CDK5RAP2: variants seen among roughly 807,000 people sequenced by gnomAD.
CDK5RAP2 encodes CDK5 regulatory subunit associated protein 2.
A neutral mutation model predicts 232.9 loss-of-function variants in CDK5RAP2; 147 were observed. That is an observed-to-expected ratio of 0.63 (90% CI 0.55 to 0.72). The LOEUF (loss-of-function observed/expected upper bound fraction) is 0.72. Ranked by LOEUF, CDK5RAP2 falls within the 30% of genes least tolerant of loss-of-function variation. The probability of loss-of-function intolerance (pLI) is 0.00; values close to 1 mark genes in which losing one functional copy is unlikely to be tolerated. For missense variants in CDK5RAP2, 2,195 were observed against 2,231.5 expected (o/e 0.98, Z 0.33); for synonymous variants, 833 against 833.7 (o/e 1.00, Z 0.01).
intron 22 of CDK5RAP2, among the ~76,000 whole-genome samples, chr9:120,446,422 C>T (rs995232754): frequency 1.3e-5 from 2 of 152,268 alleles, no homozygotes; most frequent in Non-Finnish European, 1.5e-5. Context: ...GATGGGGTTT[C>T]GCCACGTTGG....
At chr9:120,507,088 T>G (rs1281265289) in intron 12 of CDK5RAP2, among the ~76,000 whole-genome samples, 1 of 152,182 alleles carries the variant, frequency 6.6e-6, no homozygotes, top group Non-Finnish European at 1.5e-5. Context: ...CCATTAACAT[T>G]GAGGCAAGAC....
At chr9:120,389,709 T>C (rs2031743215) in intron 37 of CDK5RAP2, 32 bp downstream of exon 37, 1 of 1,609,054 alleles carries the variant, frequency 6.2e-7, no homozygotes, top group Non-Finnish European at 8.5e-7. Context: ...GACCTTCCAC[T>C]GGCCTGCAGT....
chr9:120,542,722 A>G (rs796897996), intron 5 of CDK5RAP2, among the ~76,000 whole-genome samples: 50 of 152,286 alleles, frequency 3.3e-4, no homozygotes, highest in African/African-American at 1.2e-3. Flanking sequence ...CCTGGCCTAT[A>G]GTCTCTCCTC....
intron 28 of CDK5RAP2, among the ~76,000 whole-genome samples, chr9:120,412,273 G>T (rs2033896824): frequency 6.6e-6 from 1 of 152,218 alleles, no homozygotes; most frequent in African/African-American, 2.4e-5. Context: ...AGTGCCTACT[G>T]TGTGCAAGGT....
At chr9:120,400,941 G>A in intron 34 of CDK5RAP2, 56 bp from the exon 35 acceptor site, 1 of 1,601,344 alleles carries the variant, frequency 6.2e-7, no homozygotes, top group Non-Finnish European at 8.5e-7. Flanking sequence ...TTTTAGACAA[G>A]CAAGCCTTAA....
At position 120,389,089 on chromosome 9, in the gene CDK5RAP2, T is replaced by C; in HGVS notation, c.*147A>G. The C allele has an allele frequency of 1.3e-6, 1 of 767,728 alleles. No homozygotes were observed. The highest frequency in any genetic ancestry group is 2.2e-6 in the Non-Finnish European group (1 of 461,042). The allele number at this position is 767,728 out of a possible 1,614,324, so 47.6% of individuals were successfully genotyped here. On this transcript the variant is annotated 3_prime_UTR_variant, in exon 38 of 38. Transcript: ENST00000349780. The stretch of plus-strand genomic sequence containing the variant: ...TTCTGACAACAACTCTCAAGCCAAC[T>C]TTCAGAGAGAAAACATGAAGGGAAA...
intron 7 of CDK5RAP2, among the ~76,000 whole-genome samples, chr9:120,535,718 G>A (rs372186616): frequency 1.3e-5 from 2 of 152,224 alleles, no homozygotes; most frequent in Non-Finnish European, 1.5e-5. Context: ...TGCAAAATAT[G>A]ATGGGCACTA....
intron 1 of CDK5RAP2, among the ~76,000 whole-genome samples, chr9:120,579,638 C>G (rs992657046): frequency 6.6e-6 from 1 of 152,188 alleles, no homozygotes; most frequent in African/African-American, 2.4e-5. Context: ...CCAAGTGGCC[C>G]CACCCTCGTC....
intron 20 of CDK5RAP2, among the ~76,000 whole-genome samples, chr9:120,455,889 A>G (rs1270645117): frequency 6.6e-6 from 1 of 152,210 alleles, no homozygotes; most frequent in Non-Finnish European, 1.5e-5. Flanking sequence ...TGTAAGGTAC[A>G]CTATAGGGCT....
At position 120,460,569 on chromosome 9, in the gene CDK5RAP2, T is replaced by C. The variant is rs1186474393; in HGVS notation, c.2202+3A>G. ...AATAAGGAGTTAACTGAAAGGTTCCTACCTCATTACTCTGCTGCAAATGCT... is the reference window on the plus strand; with the variant it reads ...AATAAGGAGTTAACTGAAAGGTTCCCACCTCATTACTCTGCTGCAAATGCT... On this transcript the variant is annotated splice_donor_region_variant and intron_variant, in intron 19 of 37. Coordinates refer to ENST00000349780, the MANE Select transcript of CDK5RAP2 (RefSeq NM_018249.6). 1 of 1,613,772 alleles carries C rather than the reference T, an allele frequency of 6.2e-7. No homozygotes were observed.
chr9:120,545,020 T>G (rs2041783457), intron 5 of CDK5RAP2, among the ~76,000 whole-genome samples: 1 of 152,230 alleles, frequency 6.6e-6, no homozygotes, highest in Non-Finnish European at 1.5e-5. Context: ...ACTGTGCTTG[T>G]TGTTCAATAT....
In CDK5RAP2 at chr9:120,525,084, G is replaced by GA. The variant is rs745448267; in HGVS notation, c.1000-7dup. 1 of 1,608,346 alleles carries GA rather than the reference G, an allele frequency of 6.2e-7. No individual in the cohort carries two copies. Among genetic ancestry groups the GA allele is most frequent in the Admixed American group, 1.7e-5 (1 of 59,988 alleles). ...TCAGAGTTAAGTTCTTCAACCTGGG[G>GA]AAAAATAATGAATACCAGCCAAGTA... On this transcript the variant is annotated splice_region_variant and splice_polypyrimidine_tract_variant and intron_variant, in intron 10 of 37. Transcript: ENST00000349780.
chr9:120,402,726 T>C, intron 34 of CDK5RAP2, 80 bp downstream of exon 34: 2 of 1,529,114 alleles, frequency 1.3e-6, no homozygotes, highest in Admixed American at 3.4e-5. Context: ...TGAGGACAAC[T>C]GCGCCATTTG....
chr9:120,478,032 T>C (rs748209275), intron 14 of CDK5RAP2, among the ~76,000 whole-genome samples: 6 of 152,234 alleles, frequency 3.9e-5, no homozygotes, highest in Non-Finnish European at 7.3e-5. Flanking sequence ...TCCTCATTTA[T>C]GAAATGTGGA....
chr9:120,557,014 T>C (rs1315582788), intron 3 of CDK5RAP2, among the ~76,000 whole-genome samples: 1 of 152,188 alleles, frequency 6.6e-6, no homozygotes, highest in African/African-American at 2.4e-5. Flanking sequence ...TTTATGTAGG[T>C]TGCTTAGAAT....
At chr9:120,410,715 G>A (rs1479736226) in intron 29 of CDK5RAP2, among the ~76,000 whole-genome samples, 1 of 152,186 alleles carries the variant, frequency 6.6e-6, no homozygotes, top group Non-Finnish European at 1.5e-5. Flanking sequence ...TATCCTTTTA[G>A]GAAAAGTGGG....
At chr9:120,404,757 T>C (rs1237040501) in intron 32 of CDK5RAP2, among the ~76,000 whole-genome samples, 3 of 152,186 alleles carry the variant, frequency 2.0e-5, no homozygotes, top group Admixed American at 6.5e-5. Flanking sequence ...CACACTAACC[T>C]AAGCTAGAGA....
At chr9:120,469,315 C>G (rs142868654) in intron 17 of CDK5RAP2, among the ~76,000 whole-genome samples, 91 of 152,292 alleles carry the variant, frequency 6.0e-4, no homozygotes, top group African/African-American at 1.9e-3. Context: ...AGCTCACCCC[C>G]CCATCTCCCA....
intron 19 of CDK5RAP2, among the ~76,000 whole-genome samples, 173 bp downstream of exon 19, chr9:120,460,399 G>C (rs1403111380): frequency 6.6e-6 from 1 of 152,140 alleles, no homozygotes; most frequent in Non-Finnish European, 1.5e-5. Context: ...CTGTCACCCA[G>C]TTTATAACTT....
Sources: gnomAD v4.1 joint callset for allele counts (sites outside exome capture counted in the v4.1 genomes callset) on GRCh38, gnomAD v4.1.1 for gene constraint, MANE v1.5 for transcripts, NCBI Gene and HGNC (gene_info 2026-07-23, HGNC 2026-07-21) for gene names.